The following CCDC102B variants were observed in gnomAD, a reference collection of about 807,000 sequenced individuals.
CCDC102B encodes coiled-coil domain containing 102B, also known as coiled-coil domain-containing protein 102B.
In CCDC102B, 75 loss-of-function variants were observed where a neutral mutation model predicts 57.4. The observed-to-expected ratio is 1.31, with a 90% CI of 1.08 to 1.58. The LOEUF is 1.58. CCDC102B is among the 40% of genes most tolerant of loss of function. The pLI is 0.00. For synonymous variants in CCDC102B, 206 were observed against 201.9 expected (o/e 1.02, Z -0.17); for missense variants, 636 against 582.6 (o/e 1.09, Z -0.94).
chr18:68,940,313 T>C (rs1444473694), intron 6 of CCDC102B, among the ~76,000 whole-genome samples: 1 of 151,850 alleles, frequency 6.6e-6, no homozygotes, highest in Non-Finnish European at 1.5e-5. Context: ...ATGTGTATTT[T>C]TTAGTCTTGA....
intron 1 of CCDC102B, among the ~76,000 whole-genome samples, chr18:68,811,646 T>C (rs919891066): frequency 1.5e-4 from 22 of 151,604 alleles, no homozygotes; most frequent in African/African-American, 5.3e-4. Flanking sequence ...CATAAGAAAG[T>C]CAACAATTTA....
At chr18:68,996,045 T>C (rs1027819028) in intron 6 of CCDC102B, among the ~76,000 whole-genome samples, 1 of 152,184 alleles carries the variant, frequency 6.6e-6, no homozygotes, top group African/African-American at 2.4e-5. Context: ...ATGGTTAATA[T>C]TGAGTGTCAA....
At chr18:68,893,618 G>A (rs2040150106) in intron 5 of CCDC102B, among the ~76,000 whole-genome samples, 1 of 152,100 alleles carries the variant, frequency 6.6e-6, no homozygotes, top group South Asian at 2.1e-4. Flanking sequence ...TGTGTCTGGT[G>A]CTGGGCTTAT....
chr18:68,993,916 T>G (rs1179485420), intron 6 of CCDC102B, among the ~76,000 whole-genome samples: 1 of 152,190 alleles, frequency 6.6e-6, no homozygotes, highest in Non-Finnish European at 1.5e-5. Context: ...ACACTGTGGT[T>G]GGTATCTGCT....
At chr18:69,037,019 G>C (rs958894427) in intron 7 of CCDC102B, among the ~76,000 whole-genome samples, 6 of 72,362 alleles carry the variant, frequency 8.3e-5, no homozygotes, top group African/African-American at 2.5e-4. Flanking sequence ...ATGTGTGGGG[G>C]TGTATATATA....
intron 2 of CCDC102B, among the ~76,000 whole-genome samples, chr18:68,726,547 A>C (rs573393501): frequency 6.6e-6 from 1 of 152,326 alleles, no homozygotes; most frequent in South Asian, 2.1e-4. Flanking sequence ...ACACTATTCA[A>C]CTGCTAAATA....
intron 2 of CCDC102B, among the ~76,000 whole-genome samples, chr18:68,788,250 T>G (rs1309966866): frequency 6.6e-6 from 1 of 152,168 alleles, no homozygotes; most frequent in Non-Finnish European, 1.5e-5. Context: ...TACTTCCAAG[T>G]ATGTGGTCAA....
At chr18:68,986,593 GC>G (rs2050730099) in intron 6 of CCDC102B, among the ~76,000 whole-genome samples, 1 of 151,954 alleles carries the variant, frequency 6.6e-6, no homozygotes, top group South Asian at 2.1e-4. Flanking sequence ...AGACAGGCAT[GC>G]CCCATCCAAA....
chr18:68,854,741 A>T (rs765114194), intron 4 of CCDC102B, among the ~76,000 whole-genome samples: 2 of 152,140 alleles, frequency 1.3e-5, no homozygotes, highest in Non-Finnish European at 2.9e-5. Context: ...GACTCTTAGT[A>T]AGAAGTGATC....
At chr18:69,042,337 T>C (rs2052453797) in intron 7 of CCDC102B, among the ~76,000 whole-genome samples, 1 of 152,104 alleles carries the variant, frequency 6.6e-6, no homozygotes, top group Non-Finnish European at 1.5e-5. Flanking sequence ...TTCTAATCGC[T>C]AAATCAGCCT....
intron 6 of CCDC102B, among the ~76,000 whole-genome samples, chr18:68,998,459 C>G (rs1327383936): frequency 1.3e-5 from 2 of 148,490 alleles, no homozygotes; most frequent in Admixed American, 1.3e-4. Flanking sequence ...TTAGGGTTCT[C>G]TAGAGTGACA....
At chr18:69,045,184 G>T (rs186918221) in intron 7 of CCDC102B, among the ~76,000 whole-genome samples, 31 of 152,090 alleles carry the variant, frequency 2.0e-4, no homozygotes, top group African/African-American at 7.5e-4. Flanking sequence ...TTCACATATT[G>T]AATTGGAGGG....
rs549203201 is a variant in CCDC102B, at chr18:68,834,359, T to C, written c.-15-2390T>C. On this transcript the variant is annotated intron_variant, in intron 1 of 7. Transcript: ENST00000360242. ...TGAATTAAATTCTCTGTCTTCACTTTGGAATTTCAACCAAAAGAAATATCA... is the reference window on the plus strand; with the variant it reads ...TGAATTAAATTCTCTGTCTTCACTTCGGAATTTCAACCAAAAGAAATATCA... 8.0e-4 allele frequency among the ~76,000 whole-genome samples: 121 copies of C among 151,052 alleles called. 1 individual carries two copies. The highest frequency in any genetic ancestry group is 2.9e-3 in the African/African-American group (119 of 41,286).
chr18:68,852,256 C>A (rs1030336788), intron 4 of CCDC102B, among the ~76,000 whole-genome samples: 1 of 151,982 alleles, frequency 6.6e-6, no homozygotes, highest in Non-Finnish European at 1.5e-5. Flanking sequence ...CATTTTTTTT[C>A]TTCTTTTACT....
At chr18:68,943,282 A>G (rs2049439037) in intron 6 of CCDC102B, among the ~76,000 whole-genome samples, 1 of 152,148 alleles carries the variant, frequency 6.6e-6, no homozygotes, top group African/African-American at 2.4e-5. Context: ...TACTCATTTC[A>G]AACTCATGAA....
intron 4 of CCDC102B, among the ~76,000 whole-genome samples, chr18:68,854,187 G>A (rs548656204): frequency 6.6e-6 from 1 of 151,212 alleles, no homozygotes; most frequent in Non-Finnish European, 1.5e-5. Flanking sequence ...TTCAACCTCC[G>A]TCTCCCGGGT....
chr18:68,734,181 G>A lies in CCDC102B; in HGVS notation c.-67+17587G>A, dbSNP rs536544569. 1.5e-3 allele frequency among the ~76,000 whole-genome samples: 225 copies of A among 152,322 alleles called. 1 individual carries two copies. Among genetic ancestry groups the A allele is most frequent in the Admixed American group, 2.6e-3 (40 of 15,288 alleles). ...TTGCTATAGAAGCAACTGTAAACCT[G>A]TCCTCCGGGAGGAACAGAAGAGAAT... On this transcript the variant is annotated intron_variant, in intron 2 of 3. Coordinates refer to the CCDC102B transcript ENST00000578970.
intron 6 of CCDC102B, among the ~76,000 whole-genome samples, chr18:68,962,775 G>A (rs557854533): frequency 5.5e-4 from 83 of 152,046 alleles, no homozygotes; most frequent in African/African-American, 1.9e-3. Context: ...AGCTTCTATT[G>A]TATTTCCATC....
intron 7 of CCDC102B, among the ~76,000 whole-genome samples, chr18:69,034,711 A>T (rs1017857405): frequency 2.0e-5 from 3 of 151,284 alleles, no homozygotes; most frequent in African/African-American, 7.3e-5. Flanking sequence ...ATGCATATAT[A>T]ATTATTATTA....
Sources: gnomAD v4.1 joint callset for allele counts (sites outside exome capture counted in the v4.1 genomes callset) on GRCh38, gnomAD v4.1.1 for gene constraint, MANE v1.5 for transcripts, NCBI Gene and HGNC (gene_info 2026-07-23, HGNC 2026-07-21) for gene names.